The following TPRX1 variants were observed in gnomAD, a reference collection of about 807,000 sequenced individuals.
TPRX1 encodes the protein tetrapeptide repeat homeobox 1.
Under a neutral mutation model 8.1 loss-of-function variants are expected in TPRX1, and 2 were observed. The ratio of observed to expected loss-of-function variants is 0.25; its 90% CI spans 0.10 to 0.78. TPRX1 has a LOEUF of 0.78. Among genes scored for constraint, TPRX1 ranks in the 30% least tolerant of loss-of-function variants. The probability of loss-of-function intolerance (pLI) is 0.70; values close to 1 mark genes in which losing one functional copy is unlikely to be tolerated. For missense variants in TPRX1, 517 were observed against 586.9 expected, an observed-to-expected ratio of 0.88 and a Z score of 1.23; for synonymous variants, 257 against 254.1, an observed-to-expected ratio of 1.01 and a Z score of -0.11.
intron 2 of TPRX1, among the ~76,000 whole-genome samples, chr19:47,817,587 G>A (rs113295433): frequency 0.06 from 9,139 of 152,204 alleles, 900 homozygotes; most frequent in African/African-American, 0.21. Context: ...ACCAGGGGTA[G>A]AATTTAAATC....
At chr19:47,818,324 TC>T (rs1967866364) in intron 2 of TPRX1, 2 of 298,914 alleles carry the variant, frequency 6.7e-6, no homozygotes, top group Admixed American at 8.0e-5. Flanking sequence ...CATCCATCCA[TC>T]CATCCATCCA....
chr19:47,813,996 A>G (rs62131909), intron 2 of TPRX1, among the ~76,000 whole-genome samples: 7 of 140,460 alleles, frequency 5.0e-5, no homozygotes, highest in Non-Finnish European at 7.7e-5. Flanking sequence ...GAGTGGATAC[A>G]GGCATATTCC....
chr19:47,816,007 C>T (rs182811477), intron 2 of TPRX1, among the ~76,000 whole-genome samples: 1 of 151,910 alleles, frequency 6.6e-6, no homozygotes, highest in East Asian at 1.9e-4. Context: ...GTTGAGGGCA[C>T]GGTTTTGAGA....
chr19:47,809,889 C>A (rs1967767029), intron 2 of TPRX1, among the ~76,000 whole-genome samples: 1 of 151,968 alleles, frequency 6.6e-6, no homozygotes, highest in South Asian at 2.1e-4. Context: ...GGAGGGAGGT[C>A]TTCTGAAGCC....
At chr19:47,818,246 CCCATCCATCCAT>C (rs756906028) in intron 2 of TPRX1, among the ~76,000 whole-genome samples, 2 of 129,730 alleles carry the variant, frequency 1.5e-5, no homozygotes, top group Non-Finnish European at 3.2e-5. Flanking sequence ...CCATCCATCA[CCCATCCATCCAT>C]CCATCCATCC....
chr19:47,806,383 G>T (rs940694307), intron 2 of TPRX1, among the ~76,000 whole-genome samples: 2 of 151,826 alleles, frequency 1.3e-5, no homozygotes, highest in African/African-American at 4.8e-5. Context: ...AGCCAAGCAT[G>T]GTGGCGGGAG....
Position 47,815,163 on chromosome 19 carries a change from T to TGCAAATATATATATATATA in TPRX1, c.151+3304_151+3305insTATATATATATATATTTGC, listed in dbSNP as rs201060804. ...ATATATGCAAATATATATATATATATTTTTTTTTTTTGAGACAGTCTTGCT... is the reference window on the plus strand; with the variant it reads ...ATATATGCAAATATATATATATATATGCAAATATATATATATATATTTTTTTTTTTGAGACAGTCTTGCT... On this transcript the variant is annotated intron_variant, in intron 2 of 3. Coordinates refer to ENST00000535759, the Ensembl canonical transcript of TPRX1. Among the ~76,000 whole-genome samples the TGCAAATATATATATATATA allele has an allele frequency of 9.2e-4, 79 of 86,190 alleles. 1 individual carries two copies. The highest frequency in any genetic ancestry group is 4.2e-3 in the African/African-American group (75 of 17,652). The allele number at this position is 86,190 out of a possible 152,430, so 56.5% of individuals were successfully genotyped here.
intron 2 of TPRX1, among the ~76,000 whole-genome samples, chr19:47,808,682 C>T (rs978626624): frequency 7.2e-6 from 1 of 139,754 alleles, no homozygotes; most frequent in African/African-American, 2.5e-5. Flanking sequence ...TCTTGAACTC[C>T]TGACCTCAAG....
intron 2 of TPRX1, among the ~76,000 whole-genome samples, chr19:47,807,997 G>A (rs1183660161): frequency 1.3e-5 from 2 of 152,028 alleles, no homozygotes; most frequent in Admixed American, 1.3e-4. Flanking sequence ...GGAGTCAATC[G>A]AAACTCACTG....
chr19:47,813,913 G>A, intron 2 of TPRX1, among the ~76,000 whole-genome samples: 1 of 143,614 alleles, frequency 7.0e-6, no homozygotes, highest in African/African-American at 2.5e-5. Context: ...AGAGGACGAG[G>A]GAGACCAGAA....
chr19:47,803,099 C>A (rs1002815081), intron 3 of TPRX1, 119 bp from the exon 3 acceptor site: 9 of 1,248,344 alleles, frequency 7.2e-6, no homozygotes, highest in Non-Finnish European at 6.5e-6. Flanking sequence ...CCCCATCCCC[C>A]ACCCCACCAA....
At chr19:47,806,921 A>G (rs1967740430) in intron 2 of TPRX1, among the ~76,000 whole-genome samples, 1 of 151,032 alleles carries the variant, frequency 6.6e-6, no homozygotes. Context: ...TTTTTTTTTG[A>G]GATGGCGTCT....
At chr19:47,813,854 A>G (rs982875765) in intron 2 of TPRX1, among the ~76,000 whole-genome samples, 3 of 150,390 alleles carry the variant, frequency 2.0e-5, no homozygotes, top group Non-Finnish European at 4.4e-5. Context: ...AGGGTGAGAG[A>G]GGCGTCGCTG....
intron 2 of TPRX1, among the ~76,000 whole-genome samples, chr19:47,814,181 C>T (rs956075646): frequency 2.0e-5 from 3 of 151,820 alleles, no homozygotes; most frequent in African/African-American, 4.8e-5. Context: ...CTCAGCCTCC[C>T]AATAGCTGGG....
chr19:47,809,794 A>C (rs1967766247), intron 2 of TPRX1, among the ~76,000 whole-genome samples: 1 of 151,864 alleles, frequency 6.6e-6, no homozygotes, highest in Non-Finnish European at 1.5e-5. Flanking sequence ...TCTCGTCCTG[A>C]TGTGTCTTCA....
At chr19:47,807,775 C>G (rs1318484513) in intron 2 of TPRX1, among the ~76,000 whole-genome samples, 3 of 152,018 alleles carry the variant, frequency 2.0e-5, no homozygotes, top group East Asian at 1.9e-4. Context: ...TGTGGATTGG[C>G]CAAGATCAAA....
chr19:47,802,814 G>T, exon 4 of TPRX1: 1 of 1,600,914 alleles, frequency 6.2e-7, no homozygotes. Context: ...CGTGGGTTCC[G>T]CCGCTGGAAG....
chr19:47,802,036 TCCTGGG>T (rs1967669636), exon 4 of TPRX1: 1 of 1,607,960 alleles, frequency 6.2e-7, no homozygotes, highest in Non-Finnish European at 8.5e-7. Context: ...CTGGGAGTGA[TCCTGGG>T]CCTGGGATTG....
intron 2 of TPRX1, among the ~76,000 whole-genome samples, chr19:47,809,229 C>T (rs1323097884): frequency 2.0e-5 from 3 of 152,064 alleles, no homozygotes; most frequent in African/African-American, 7.2e-5. Context: ...ATTTAATAAG[C>T]ACATACAAAA....
Sources: allele counts gnomAD v4.1 joint callset (sites outside exome capture counted in the v4.1 genomes callset), GRCh38; gene constraint gnomAD v4.1.1; transcripts MANE v1.5; gene names NCBI Gene and HGNC (gene_info 2026-07-23, HGNC 2026-07-21).